The following NKAIN2 variants were observed in gnomAD, a reference collection of about 807,000 sequenced individuals.
The protein encoded by NKAIN2 is sodium/potassium transporting ATPase interacting 2, also known as sodium/potassium-transporting ATPase subunit beta-1-interacting protein 2.
In NKAIN2, 14 loss-of-function variants were observed where a neutral mutation model predicts 32.6. That is an observed-to-expected ratio of 0.43 (90% CI 0.28 to 0.67). The LOEUF is 0.67. NKAIN2 is among the 30% of genes least tolerant of loss of function. The pLI is 0.17. For missense variants in NKAIN2, 198 were observed against 258.3 expected (o/e 0.77, Z 1.60); for synonymous variants, 80 against 87.2 (o/e 0.92, Z 0.46).
chr6:123,890,259 A>G (rs1773938867), intron 1 of NKAIN2, among the ~76,000 whole-genome samples: 1 of 151,802 alleles, frequency 6.6e-6, no homozygotes, highest in Admixed American at 6.6e-5. Context: ...TTGGAGTTTC[A>G]GTCTTGTCCT....
intron 1 of NKAIN2, among the ~76,000 whole-genome samples, chr6:124,237,431 G>A (rs1289238359): frequency 6.6e-6 from 1 of 152,058 alleles, no homozygotes; most frequent in Non-Finnish European, 1.5e-5. Flanking sequence ...AGAAATGAGT[G>A]GCTAGTTAGT....
intron 4 of NKAIN2, among the ~76,000 whole-genome samples, chr6:124,767,095 C>T (rs1415831329): frequency 6.6e-6 from 1 of 151,998 alleles, no homozygotes; most frequent in Admixed American, 6.6e-5. Context: ...GGGGTTTCAC[C>T]ATGTCGGCCA....
At chr6:124,144,491 C>A (rs1050320754) in intron 1 of NKAIN2, among the ~76,000 whole-genome samples, 3 of 152,064 alleles carry the variant, frequency 2.0e-5, no homozygotes, top group African/African-American at 7.2e-5. Context: ...TAAATATTCT[C>A]TACTAGTTTT....
intron 1 of NKAIN2, among the ~76,000 whole-genome samples, chr6:123,968,181 A>G (rs1778181426): frequency 1.3e-5 from 2 of 152,152 alleles, no homozygotes; most frequent in African/African-American, 4.8e-5. Context: ...ACTGTGAGGC[A>G]GGGGGAAAAG....
At chr6:124,296,693 G>A (rs1796070161) in intron 2 of NKAIN2, among the ~76,000 whole-genome samples, 1 of 152,178 alleles carries the variant, frequency 6.6e-6, no homozygotes, top group South Asian at 2.1e-4. Flanking sequence ...GTTTTCAAGT[G>A]TGATCTGTGG....
intron 1 of NKAIN2, among the ~76,000 whole-genome samples, chr6:123,824,261 A>G (rs958769603): frequency 4.6e-5 from 7 of 152,066 alleles, no homozygotes; most frequent in Non-Finnish European, 1.5e-5. Context: ...CCTACCAATA[A>G]TCACCACCCA....
intron 2 of NKAIN2, among the ~76,000 whole-genome samples, chr6:124,350,524 A>G (rs925463265): frequency 6.6e-6 from 1 of 152,220 alleles, no homozygotes; most frequent in Non-Finnish European, 1.5e-5. Flanking sequence ...AATTAGATAA[A>G]GTCCTGCCTT....
intron 1 of NKAIN2, among the ~76,000 whole-genome samples, chr6:123,894,248 G>T (rs569730703): frequency 6.6e-6 from 1 of 152,280 alleles, no homozygotes; most frequent in African/African-American, 2.4e-5. Flanking sequence ...GCTTGGCCAG[G>T]CAGAAGCTGT....
chr6:124,256,480 A>G (rs560030984), intron 1 of NKAIN2, among the ~76,000 whole-genome samples: 1 of 152,324 alleles, frequency 6.6e-6, no homozygotes, highest in African/African-American at 2.4e-5. Context: ...ATGCTGTTAT[A>G]TATCTTCAAT....
chr6:124,546,292 A>T (rs1780091452), intron 3 of NKAIN2, among the ~76,000 whole-genome samples: 1 of 152,084 alleles, frequency 6.6e-6, no homozygotes, highest in South Asian at 2.1e-4. Context: ...CCAAACATGG[A>T]AAGCAGTTGC....
At chr6:124,272,873 A>G (rs1052978173) in intron 1 of NKAIN2, among the ~76,000 whole-genome samples, 2 of 152,228 alleles carry the variant, frequency 1.3e-5, no homozygotes, top group African/African-American at 4.8e-5. Flanking sequence ...CAATTAAATT[A>G]CAGCCCTACT....
At chr6:124,203,091 G>A (rs1241548781) in intron 1 of NKAIN2, among the ~76,000 whole-genome samples, 2 of 151,776 alleles carry the variant, frequency 1.3e-5, no homozygotes, top group Non-Finnish European at 2.9e-5. Context: ...TTTAAAATTT[G>A]CTCAATCTGT....
chr6:124,665,484 A>C (rs1258047293), intron 4 of NKAIN2, among the ~76,000 whole-genome samples: 1 of 152,124 alleles, frequency 6.6e-6, no homozygotes, highest in Non-Finnish European at 1.5e-5. Context: ...AGAAGGGGGC[A>C]GTACTCTAAG....
intron 1 of NKAIN2, among the ~76,000 whole-genome samples, chr6:123,998,485 T>A (rs2114706028): frequency 6.6e-6 from 1 of 152,218 alleles, no homozygotes; most frequent in African/African-American, 2.4e-5. Flanking sequence ...ACGTTTGAAA[T>A]CGAAAACCTG....
intron 1 of NKAIN2, among the ~76,000 whole-genome samples, chr6:124,034,260 G>GT (rs1781518218): frequency 6.6e-6 from 1 of 151,942 alleles, no homozygotes; most frequent in Non-Finnish European, 1.5e-5. Context: ...GGTATTAACA[G>GT]TTTTTCAACT....
At chr6:124,546,053 T>G (rs937395028) in intron 3 of NKAIN2, among the ~76,000 whole-genome samples, 1 of 152,208 alleles carries the variant, frequency 6.6e-6, no homozygotes, top group South Asian at 2.1e-4. Context: ...TCCGTATTTC[T>G]TTTTAATCCT....
chr6:123,812,825 A>G (rs1041224279), intron 1 of NKAIN2, among the ~76,000 whole-genome samples: 16 of 152,342 alleles, frequency 1.1e-4, no homozygotes, highest in African/African-American at 3.8e-4. Context: ...ACCCCCAACA[A>G]TGTTGCATTC....
chr6:123,952,894 A>C (rs2114588908), intron 1 of NKAIN2, among the ~76,000 whole-genome samples: 1 of 152,028 alleles, frequency 6.6e-6, no homozygotes, highest in East Asian at 1.9e-4. Flanking sequence ...TTGATTAGAA[A>C]CCGTTGTTGG....
At chr6:124,458,172 A>C (rs1189326858) in intron 3 of NKAIN2, among the ~76,000 whole-genome samples, 5 of 151,972 alleles carry the variant, frequency 3.3e-5, no homozygotes, top group Non-Finnish European at 5.9e-5. Flanking sequence ...TGAAAAAGTA[A>C]AGTATTGAAA....
Sources: allele counts gnomAD v4.1 joint callset (sites outside exome capture counted in the v4.1 genomes callset), GRCh38; gene constraint gnomAD v4.1.1; transcripts MANE v1.5; gene names NCBI Gene and HGNC (gene_info 2026-07-23, HGNC 2026-07-21).